The following GPC6 variants were observed in gnomAD, a reference collection of about 807,000 sequenced individuals.
The protein encoded by GPC6 is glypican-6.
A neutral mutation model predicts 55.2 loss-of-function variants in GPC6; 14 were observed. The observed-to-expected ratio is 0.25, with a 90% confidence interval of 0.17 to 0.40. The LOEUF (loss-of-function observed/expected upper bound fraction) is 0.40, where lower values mean the gene tolerates loss of function less well. Ranked by LOEUF, GPC6 falls within the 10% of genes least tolerant of loss-of-function variation. The probability of loss-of-function intolerance (pLI) is 1.00; values close to 1 mark genes in which losing one functional copy is unlikely to be tolerated. For missense variants in GPC6, 641 were observed against 708.5 expected (o/e 0.90, Z 1.08); for synonymous variants, 278 against 259.6 (o/e 1.07, Z -0.68).
intron 3 of GPC6, among the ~76,000 whole-genome samples, chr13:93,860,007 G>A (rs568249257): frequency 1.3e-5 from 2 of 151,614 alleles, no homozygotes; most frequent in South Asian, 2.1e-4. Context: ...TTACATTCTC[G>A]GCCTTCCTAC....
intron 3 of GPC6, among the ~76,000 whole-genome samples, chr13:93,980,245 ATGGCTCAG>A (rs1880734690): frequency 6.6e-6 from 1 of 152,306 alleles, no homozygotes; most frequent in East Asian, 1.9e-4. Context: ...AGGTATCCAC[ATGGCTCAG>A]TGCATATGGA....
intron 2 of GPC6, among the ~76,000 whole-genome samples, chr13:93,765,308 T>TTACAGATAAGCTGTCTGGAA: frequency 6.7e-6 from 1 of 148,686 alleles, no homozygotes; most frequent in Non-Finnish European, 1.5e-5. Flanking sequence ...AAAGACAACT[T>TTACAGATAAGCTGTCTGGAA]ATTTGGTTTA....
intron 2 of GPC6, among the ~76,000 whole-genome samples, chr13:93,685,273 T>C (rs1409614861): frequency 6.6e-6 from 1 of 152,148 alleles, no homozygotes; most frequent in African/African-American, 2.4e-5. Flanking sequence ...GGTAGCAGTG[T>C]CAGATGCCAA....
chr13:93,766,098 G>T (rs546600174), intron 2 of GPC6, among the ~76,000 whole-genome samples: 1 of 152,226 alleles, frequency 6.6e-6, no homozygotes, highest in Admixed American at 6.5e-5. Context: ...CAAAGAAAAG[G>T]CTATGTTTTA....
chr13:93,688,939 A>T (rs1464712226), intron 2 of GPC6, among the ~76,000 whole-genome samples: 1 of 152,030 alleles, frequency 6.6e-6, no homozygotes, highest in African/African-American at 2.4e-5. Context: ...ATTATATTTT[A>T]GCACAATATA....
At chr13:93,972,407 T>A (rs941854848) in intron 3 of GPC6, among the ~76,000 whole-genome samples, 3 of 152,160 alleles carry the variant, frequency 2.0e-5, no homozygotes, top group Non-Finnish European at 4.4e-5. Flanking sequence ...TCCCTAGAGA[T>A]CTTTATAAAT....
intron 4 of GPC6, among the ~76,000 whole-genome samples, chr13:94,050,773 A>G (rs1024313771): frequency 6.6e-6 from 1 of 152,132 alleles, no homozygotes; most frequent in Admixed American, 6.6e-5. Context: ...AGGGGAAAAC[A>G]GGCTTCCTGA....
At chr13:94,227,182 A>T (rs1212626084) in intron 4 of GPC6, among the ~76,000 whole-genome samples, 1 of 152,192 alleles carries the variant, frequency 6.6e-6, no homozygotes, top group Admixed American at 6.5e-5. Flanking sequence ...GTTAAATATA[A>T]TTATAATTAT....
At chr13:94,173,456 G>A (rs988475191) in intron 4 of GPC6, among the ~76,000 whole-genome samples, 1 of 152,064 alleles carries the variant, frequency 6.6e-6, no homozygotes, top group East Asian at 1.9e-4. Context: ...TCAGTTGGGT[G>A]GTTGGATTGG....
intron 1 of GPC6, among the ~76,000 whole-genome samples, chr13:93,237,388 A>T (rs1216772205): frequency 6.6e-6 from 1 of 151,926 alleles, no homozygotes; most frequent in Admixed American, 6.6e-5. Flanking sequence ...ACGTCTCTTC[A>T]TGTCATTTAC....
chr13:94,178,025 A>ATTTTTTTTTTTTTTT (rs767978319), intron 4 of GPC6, among the ~76,000 whole-genome samples: 11,435 of 130,166 alleles, frequency 0.088, 1,134 homozygotes, highest in African/African-American at 0.18. Flanking sequence ...TGGCCTTTTA[A>ATTTTTTTTTTTTTTT]TTTTTTTTTT....
chr13:94,150,705 C>G (rs1258734991), intron 4 of GPC6, among the ~76,000 whole-genome samples: 1 of 151,306 alleles, frequency 6.6e-6, no homozygotes, highest in South Asian at 2.1e-4. Context: ...TAAAACTACA[C>G]TTTGGGACCA....
chr13:93,415,220 C>T (rs992514532), intron 1 of GPC6, among the ~76,000 whole-genome samples: 4 of 151,960 alleles, frequency 2.6e-5, no homozygotes, highest in African/African-American at 7.2e-5. Context: ...CTGAGGATTG[C>T]GGAAGCTGAT....
chr13:94,271,956 T>G (rs1892041726), intron 4 of GPC6, among the ~76,000 whole-genome samples: 1 of 152,232 alleles, frequency 6.6e-6, no homozygotes, highest in African/African-American at 2.4e-5. Flanking sequence ...TTTCATTTTT[T>G]TAAAACAATC....
At chr13:94,092,276 G>T (rs560040596) in intron 4 of GPC6, among the ~76,000 whole-genome samples, 89 of 151,964 alleles carry the variant, frequency 5.9e-4, no homozygotes, top group African/African-American at 2.0e-3. Context: ...TGTACCATTT[G>T]ACTAACATCT....
At chr13:93,909,722 A>C (rs74443605) in intron 3 of GPC6, among the ~76,000 whole-genome samples, 4 of 143,480 alleles carry the variant, frequency 2.8e-5, no homozygotes, top group South Asian at 2.3e-4. Flanking sequence ...TTTTAGGAAA[A>C]AAAAAATCAT....
chr13:93,594,306 C>T (rs887128718), intron 2 of GPC6, among the ~76,000 whole-genome samples: 7 of 151,998 alleles, frequency 4.6e-5, no homozygotes, highest in Non-Finnish European at 8.8e-5. Context: ...TTTCCTGATC[C>T]TCTTCCTCCT....
intron 2 of GPC6, among the ~76,000 whole-genome samples, chr13:93,732,291 A>T (rs1172925402): frequency 2.0e-5 from 3 of 152,130 alleles, no homozygotes; most frequent in Admixed American, 1.3e-4. Context: ...ATCAGCAAGG[A>T]TGTTTGCAGC....
At chr13:93,628,244 A>C (rs1457013345) in intron 2 of GPC6, among the ~76,000 whole-genome samples, 3 of 152,202 alleles carry the variant, frequency 2.0e-5, no homozygotes, top group Non-Finnish European at 4.4e-5. Flanking sequence ...CATTCTCTCC[A>C]GATGCATTCT....
Sources: allele counts gnomAD v4.1 joint callset (sites outside exome capture counted in the v4.1 genomes callset), GRCh38; gene constraint gnomAD v4.1.1; transcripts MANE v1.5; gene names NCBI Gene and HGNC (gene_info 2026-07-23, HGNC 2026-07-21).